The following PUM2 variants were observed in gnomAD, a reference collection of about 807,000 sequenced individuals.
The protein encoded by PUM2 is pumilio homolog 2.
A neutral mutation model predicts 124.5 loss-of-function variants in PUM2; 57 were observed. The observed-to-expected ratio is 0.46, with a 90% CI of 0.37 to 0.57. PUM2 has a LOEUF of 0.57. Ranked by LOEUF, PUM2 falls within the 20% of genes least tolerant of loss-of-function variation. The pLI is 0.00. For missense variants in PUM2, 1,065 were observed against 1,290.6 expected (o/e 0.83, Z 2.68); for synonymous variants, 460 against 446.1 (o/e 1.03, Z -0.39).
intron 13 of PUM2, among the ~76,000 whole-genome samples, chr2:20,276,404 C>T (rs1045720344): frequency 1.3e-5 from 2 of 151,952 alleles, no homozygotes; most frequent in African/African-American, 2.4e-5. Flanking sequence ...GTAACATTCA[C>T]ATCTTAAAAT....
chr2:20,254,822 T>G (rs999749571), intron 19 of PUM2, 41 bp downstream of exon 19: 11 of 1,589,114 alleles, frequency 6.9e-6, no homozygotes, highest in Non-Finnish European at 9.5e-6. Flanking sequence ...AGTCAATGAG[T>G]TGAAAGAATT....
chr2:20,351,069 C>T (rs531394199), upstream of PUM2, among the ~76,000 whole-genome samples: 59 of 152,322 alleles, frequency 3.9e-4, no homozygotes, highest in Admixed American at 1.9e-3. Flanking sequence ...CGCTTCCCTC[C>T]TGGGCTCCGC....
chr2:20,282,818 A>C (rs1449950971), intron 12 of PUM2, 129 bp downstream of exon 12: 2 of 1,068,380 alleles, frequency 1.9e-6, no homozygotes, highest in African/African-American at 3.2e-5. Context: ...CCTACAAATT[A>C]AACCAGTAGT....
At position 20,278,724 on chromosome 2, in the gene PUM2, C is replaced by T. The variant is rs535616892; in HGVS notation, c.1816G>A (p.Gly606Arg). 1 of 1,613,422 alleles carries T rather than the reference C, an allele frequency of 6.2e-7. No homozygotes were observed. Among genetic ancestry groups the T allele is most frequent in the South Asian group, 1.1e-5 (1 of 91,066 alleles). ...KRSSSSLAPIGQPFYNSLGFS... is the reference protein window; with the variant it reads ...KRSSSSLAPIRQPFYNSLGFS... Reference sequence around the variant, plus strand: ...CCCAGACTATTGTAAAATGGTTGCCCTATGGGTGCTAGGCTGCTACTAGAT... The same window carrying T: ...CCCAGACTATTGTAAAATGGTTGCCTTATGGGTGCTAGGCTGCTACTAGAT... The change falls in exon 13 of 21, where the codon GGG becomes AGG. Residue 606 changes from glycine to arginine, a missense_variant. Transcript: ENST00000361078.
rs764158447 is a variant in PUM2, at chr2:20,251,614, T to C, written c.3166A>G (p.Ile1056Val). 5 of 1,613,498 alleles carry C rather than the reference T, an allele frequency of 3.1e-6. No individual in the cohort carries two copies. Among genetic ancestry groups the C allele is most frequent in the South Asian group, 2.2e-5 (2 of 90,978 alleles). Reference protein sequence around the residue: ...YLKNSPDLGPIGGPPNGML With the variant: ...YLKNSPDLGPVGGPPNGML ...AGCATTCCATTTGGTGGTCCTCCAATAGGTCCTAGGTCCGGGCTATTCTTC... is the reference window on the plus strand; with the variant it reads ...AGCATTCCATTTGGTGGTCCTCCAACAGGTCCTAGGTCCGGGCTATTCTTC... Residue 1056 changes from isoleucine (I) to valine (V), a missense_variant, in exon 21 of 21, where the codon ATT (isoleucine) becomes GTT (valine). Coordinates refer to ENST00000361078, the MANE Select transcript of PUM2 (RefSeq NM_015317.5).
At chr2:20,320,948 A>G (rs1682180978) in intron 2 of PUM2, among the ~76,000 whole-genome samples, 1 of 152,228 alleles carries the variant, frequency 6.6e-6, no homozygotes, top group Non-Finnish European at 1.5e-5. Flanking sequence ...CTTCATGAAG[A>G]AAAAAGTCTC....
intron 1 of PUM2, among the ~76,000 whole-genome samples, chr2:20,339,022 G>A (rs1686685014): frequency 6.6e-6 from 1 of 151,916 alleles, no homozygotes; most frequent in Admixed American, 6.6e-5. Context: ...ATGTTAACTT[G>A]GAAATCAATG....
In PUM2 at chr2:20,263,253, A is replaced by G; in HGVS notation, c.2165T>C (p.Leu722Pro). 6.2e-7 allele frequency: 1 copy of G among 1,608,750 alleles called. No individual in the cohort carries two copies. Among genetic ancestry groups the G allele is most frequent in the Non-Finnish European group, 8.5e-7 (1 of 1,175,042 alleles). ...ATGTCCAATCAAGTCTCTAAGCTGA[A>G]GGTTTGGGAAGCGGTTGTTTCTGAA... ...EDFRNNRFPN[L>P]QLRDLIGHIV... The change falls in exon 14 of 21, where the codon CTT (leucine) becomes CCT (proline). Residue 722 changes from leucine (L) to proline (P), a missense_variant. Coordinates refer to ENST00000361078, the MANE Select transcript of PUM2 (RefSeq NM_015317.5).
At chr2:20,300,818 C>T (rs62123455) in intron 7 of PUM2, among the ~76,000 whole-genome samples, 5,255 of 151,762 alleles carry the variant, frequency 0.035, 91 homozygotes, top group Middle Eastern at 0.068. Context: ...TACGCATCTG[C>T]CTCACAGTTT....
chr2:20,264,511 A>G (rs1667193821), intron 13 of PUM2, among the ~76,000 whole-genome samples: 1 of 151,084 alleles, frequency 6.6e-6, no homozygotes, highest in Non-Finnish European at 1.5e-5. Context: ...ATTCCGTTCC[A>G]AGAAAGAAAA....
At chr2:20,310,420 T>C (rs961388143) in intron 5 of PUM2, among the ~76,000 whole-genome samples, 1 of 152,068 alleles carries the variant, frequency 6.6e-6, no homozygotes. Flanking sequence ...CTATAGTTAA[T>C]GGTGTATTAA....
At chr2:20,309,599 C>T (rs1679148826) in intron 5 of PUM2, among the ~76,000 whole-genome samples, 1 of 152,090 alleles carries the variant, frequency 6.6e-6, no homozygotes, top group African/African-American at 2.4e-5. Context: ...TTATCTTATA[C>T]ATAAATGTTT....
chr2:20,324,719 G>A (rs1683262605), intron 2 of PUM2, among the ~76,000 whole-genome samples: 1 of 152,136 alleles, frequency 6.6e-6, no homozygotes. Context: ...GTAAGTTTAT[G>A]AATAGGTGAA....
chr2:20,270,284 A>C (rs1209038541), intron 13 of PUM2, among the ~76,000 whole-genome samples: 2 of 152,172 alleles, frequency 1.3e-5, no homozygotes, highest in African/African-American at 4.8e-5. Flanking sequence ...GCCATATCTG[A>C]ATTTCCTTTT....
intron 5 of PUM2, among the ~76,000 whole-genome samples, chr2:20,310,349 T>C (rs1679331467): frequency 1.3e-5 from 2 of 152,056 alleles, no homozygotes; most frequent in Admixed American, 6.5e-5. Context: ...GTAACTCGTA[T>C]ATAGCAAAAA....
chr2:20,320,666 C>G (rs886713184), intron 2 of PUM2, among the ~76,000 whole-genome samples: 2 of 151,892 alleles, frequency 1.3e-5, no homozygotes, highest in Non-Finnish European at 2.9e-5. Flanking sequence ...AAAGAGCAGA[C>G]ATTTTAAACA....
intron 1 of PUM2, among the ~76,000 whole-genome samples, chr2:20,336,551 C>G (rs1686070601): frequency 6.6e-6 from 1 of 151,434 alleles, no homozygotes; most frequent in South Asian, 2.1e-4. Context: ...GGGTCTTGCT[C>G]TGTTGCCCAA....
At chr2:20,336,874 G>C (rs560190816) in intron 1 of PUM2, among the ~76,000 whole-genome samples, 1 of 151,052 alleles carries the variant, frequency 6.6e-6, no homozygotes, top group Admixed American at 6.6e-5. Context: ...CTTCCACCTC[G>C]GCCTCCCAAA....
intron 1 of PUM2, among the ~76,000 whole-genome samples, chr2:20,344,015 A>G (rs924224653): frequency 3.3e-5 from 5 of 152,206 alleles, no homozygotes; most frequent in African/African-American, 9.6e-5. Flanking sequence ...TATCTTCAAC[A>G]TTACCATTAA....
Sources: gnomAD v4.1 joint callset for allele counts (sites outside exome capture counted in the v4.1 genomes callset) on GRCh38, gnomAD v4.1.1 for gene constraint, MANE v1.5 for transcripts, NCBI Gene and HGNC (gene_info 2026-07-23, HGNC 2026-07-21) for gene names.